Variants in LINGO2 observed in about 807,000 individuals in gnomAD.
LINGO2 encodes the protein leucine rich repeat and Ig domain containing 2.
Under a neutral mutation model 30.6 loss-of-function variants are expected in LINGO2, and 14 were observed. The observed-to-expected ratio is 0.46, with a 90% CI of 0.30 to 0.72. The LOEUF is 0.72. Ranked by LOEUF, LINGO2 falls within the 30% of genes least tolerant of loss-of-function variation. LINGO2 has a pLI of 0.07. For synonymous variants in LINGO2, 317 were observed against 288.5 expected (o/e 1.10, Z -1.00); for missense variants, 729 against 751.7 (o/e 0.97, Z 0.35).
intron 4 of LINGO2, among the ~76,000 whole-genome samples, chr9:28,059,494 C>T (rs1419097149): frequency 6.6e-6 from 1 of 152,048 alleles, no homozygotes; most frequent in South Asian, 2.1e-4. Context: ...TAGAACTGTG[C>T]CTTCCCTTGC....
In LINGO2 at chr9:28,079,057, C is replaced by T. The variant is rs2133209194; in HGVS notation, c.-86-66652G>A. 1.3e-5 allele frequency among the ~76,000 whole-genome samples: 2 copies of T among 148,836 alleles called. 1 individual carries two copies. Among genetic ancestry groups the T allele is most frequent in the African/African-American group, 5.2e-5 (2 of 38,260 alleles). ...AGCTCCCTGGTAAAATGGTCCTCCT[C>T]TGATTAAATTCTTTAAATTAAGATT... On this transcript the variant is annotated intron_variant, in intron 4 of 5. Coordinates refer to ENST00000379992, the Ensembl canonical transcript of LINGO2.
chr9:28,148,507 T>A lies in LINGO2; in HGVS notation c.-86-136102A>T. ...TAGAGACCCAGGGGCAGGAGGACAA[T>A]AAAAGGGGCCCCTGTAGCAATGGGG... is the stretch of plus-strand genomic sequence containing the variant. On this transcript the variant is annotated intron_variant, in intron 4 of 5. Coordinates refer to ENST00000379992, the Ensembl canonical transcript of LINGO2. This position sits in a 1 kb window ranked among gnomAD's most constrained non-coding sequence, Gnocchi z 5.1. 1.4e-6 allele frequency: 2 copies of A among 1,469,516 alleles called. No homozygotes were observed. The highest frequency in any genetic ancestry group is 1.8e-6 in the Non-Finnish European group (2 of 1,087,870). The allele number at this position is 1,469,516 out of a possible 1,614,324, so 91.0% of individuals were successfully genotyped here.
chr9:29,144,075 T>C, the LINGO2 span, among the ~76,000 whole-genome samples: 1 of 152,064 alleles, frequency 6.6e-6, no homozygotes, highest in Non-Finnish European at 1.5e-5. Flanking sequence ...TAGCAGATGG[T>C]TGTAGGTGTG....
the LINGO2 span, among the ~76,000 whole-genome samples, chr9:28,729,462 G>C: frequency 4.0e-5 from 6 of 151,898 alleles, no homozygotes; most frequent in Non-Finnish European, 7.4e-5. Context: ...AAGAGGGAGA[G>C]GAAGTTTTCA....
At chr9:28,047,106 C>A (rs1283900808) in intron 4 of LINGO2, among the ~76,000 whole-genome samples, 2 of 152,116 alleles carry the variant, frequency 1.3e-5, no homozygotes, top group African/African-American at 4.8e-5. Flanking sequence ...AGAGAGCAAT[C>A]AGTGGCTTAA....
chr9:28,545,524 G>T (rs972132261), intron 1 of LINGO2, among the ~76,000 whole-genome samples: 1 of 151,952 alleles, frequency 6.6e-6, no homozygotes, highest in African/African-American at 2.4e-5. Flanking sequence ...ATATGGGAAG[G>T]TACAATAAAC....
the LINGO2 span, among the ~76,000 whole-genome samples, chr9:28,717,908 T>C: frequency 1.3e-5 from 2 of 152,136 alleles, no homozygotes; most frequent in African/African-American, 4.8e-5. Flanking sequence ...AATGAGGGGA[T>C]AATGACAACT....
chr9:28,309,956 T>C (rs994633651), intron 3 of LINGO2, among the ~76,000 whole-genome samples: 3 of 152,084 alleles, frequency 2.0e-5, no homozygotes, highest in African/African-American at 7.2e-5. Context: ...CCCCGAGATA[T>C]TGCCACACAG....
At chr9:28,407,634 C>T (rs1822566541) in intron 2 of LINGO2, among the ~76,000 whole-genome samples, 1 of 151,954 alleles carries the variant, frequency 6.6e-6, no homozygotes, top group Non-Finnish European at 1.5e-5. Flanking sequence ...CAGCACATAG[C>T]AAAACAAGTG....
chr9:28,370,821 A>AC lies in LINGO2; in HGVS notation c.-246+2014_-246+2015insG, dbSNP rs552419314. Among the ~76,000 whole-genome samples, 848 of 152,320 alleles carry AC rather than the reference A, an allele frequency of 5.6e-3. 6 individuals are homozygous for AC. Among genetic ancestry groups the AC allele is most frequent in the African/African-American group, 0.019 (810 of 41,572 alleles). ...CCTATTTGGTCATTAGTGAACTCTG[A>AC]TTTAGAACAGTTTACGTATTTAACC... On this transcript the variant is annotated intron_variant, in intron 3 of 5. Transcript: ENST00000379992.
intron 4 of LINGO2, among the ~76,000 whole-genome samples, chr9:28,088,233 CACACAT>C (rs1001100882): frequency 5.6e-4 from 58 of 102,886 alleles, no homozygotes; most frequent in Middle Eastern, 5.1e-3. Context: ...CACACACACA[CACACAT>C]ATAATGGTTT....
chr9:28,171,790 C>A (rs1188403896), intron 4 of LINGO2, among the ~76,000 whole-genome samples: 1 of 150,666 alleles, frequency 6.6e-6, no homozygotes, highest in African/African-American at 2.4e-5. Context: ...AGGCGGATCA[C>A]GAGGTCAGGA....
At chr9:28,588,896 A>G (rs1478171107) in intron 1 of LINGO2, among the ~76,000 whole-genome samples, 3 of 152,052 alleles carry the variant, frequency 2.0e-5, no homozygotes, top group Non-Finnish European at 4.4e-5. Flanking sequence ...AGCCTGAGAC[A>G]TAGTGCACTG....
intron 4 of LINGO2, among the ~76,000 whole-genome samples, chr9:28,248,464 T>A (rs1441798622): frequency 2.0e-5 from 3 of 152,142 alleles, no homozygotes; most frequent in Admixed American, 2.0e-4. Context: ...GTGGTTGGAA[T>A]GGGTCATAGG....
At chr9:28,572,755 G>A (rs960550666) in intron 1 of LINGO2, among the ~76,000 whole-genome samples, 8 of 152,034 alleles carry the variant, frequency 5.3e-5, no homozygotes, top group African/African-American at 1.2e-4. Flanking sequence ...ACTACTCCGC[G>A]TATATTAGAC....
At chr9:29,013,020 T>C in the LINGO2 span, among the ~76,000 whole-genome samples, 1 of 152,208 alleles carries the variant, frequency 6.6e-6, no homozygotes, top group African/African-American at 2.4e-5. Context: ...AAGATGACTG[T>C]CTACAGCTAA....
chr9:28,655,675 C>T (rs1002153843), intron 1 of LINGO2, among the ~76,000 whole-genome samples: 7 of 151,914 alleles, frequency 4.6e-5, no homozygotes, highest in Admixed American at 1.3e-4. Flanking sequence ...ATCCTGTTCT[C>T]GTGATAGTGA....
chr9:28,866,721 A>G, the LINGO2 span, among the ~76,000 whole-genome samples: 7 of 152,160 alleles, frequency 4.6e-5, no homozygotes, highest in African/African-American at 1.7e-4. Context: ...CACTAATGTG[A>G]GCATGAATTC....
intron 4 of LINGO2, among the ~76,000 whole-genome samples, chr9:28,021,932 A>G (rs1259007345): frequency 6.6e-6 from 1 of 152,066 alleles, no homozygotes; most frequent in East Asian, 1.9e-4. Context: ...TCACTTTAAA[A>G]TGTTCCATAA....
Sources: allele counts gnomAD v4.1 joint callset (sites outside exome capture counted in the v4.1 genomes callset), GRCh38; gene constraint gnomAD v4.1.1; non-coding constraint Gnocchi (gnomAD v3.1); transcripts MANE v1.5; gene names NCBI Gene and HGNC (gene_info 2026-07-23, HGNC 2026-07-21).